The following HS1BP3 variants were observed in gnomAD, a reference collection of about 807,000 sequenced individuals.
HS1BP3 encodes the protein HCLS1 binding protein 3.
A neutral mutation model predicts 33.5 loss-of-function variants in HS1BP3; 32 were observed. The observed-to-expected ratio is 0.95, with a 90% CI of 0.72 to 1.28. The LOEUF (loss-of-function observed/expected upper bound fraction) is 1.28. Ranked by LOEUF, HS1BP3 falls within the 50% of genes most tolerant of loss-of-function variation. The pLI is 0.00. For missense variants in HS1BP3, 486 were observed against 502.3 expected (o/e 0.97, Z 0.31); for synonymous variants, 187 against 209.2 (o/e 0.89, Z 0.92).
At chr2:20,559,684 A>C (rs1008538393), downstream of HS1BP3, among the ~76,000 whole-genome samples, 3 of 141,582 alleles carry the variant, frequency 2.1e-5, no homozygotes, top group Non-Finnish European at 3.1e-5. Flanking sequence ...GGATGAATGG[A>C]TGGGTAGATG....
intron 4 of HS1BP3, among the ~76,000 whole-genome samples, chr2:20,628,235 A>G (rs1694851450): frequency 6.6e-6 from 1 of 152,210 alleles, no homozygotes; most frequent in African/African-American, 2.4e-5. Flanking sequence ...ACGAGGGAAC[A>G]AAGATGAGGA....
chr2:20,578,273 G>A (rs1693449619), intron 5 of HS1BP3, among the ~76,000 whole-genome samples: 1 of 152,218 alleles, frequency 6.6e-6, no homozygotes, highest in Admixed American at 6.5e-5. Context: ...TGCCCTCAGA[G>A]GCGGGATGGG....
intron 4 of HS1BP3, among the ~76,000 whole-genome samples, chr2:20,632,746 C>T (rs1489923035): frequency 6.6e-6 from 1 of 152,230 alleles, no homozygotes; most frequent in Non-Finnish European, 1.5e-5. Flanking sequence ...ACTAAGGATT[C>T]AGGTAAGCAG....
At chr2:20,598,678 C>G (rs1335796590) in intron 2 of HS1BP3, among the ~76,000 whole-genome samples, 5 of 147,948 alleles carry the variant, frequency 3.4e-5, no homozygotes, top group Non-Finnish European at 6.0e-5. Context: ...CCTGCCTCAG[C>G]CTCCCGAGTA....
intron 4 of HS1BP3, chr2:20,638,059 C>CGCA (rs968059031): frequency 9.8e-6 from 4 of 407,648 alleles, no homozygotes; most frequent in Admixed American, 8.2e-5. Context: ...CCCAGAGAGC[C>CGCA]GCAGCCACCT....
At chr2:20,594,072 G>T (rs912814980) in intron 3 of HS1BP3, among the ~76,000 whole-genome samples, 1 of 152,192 alleles carries the variant, frequency 6.6e-6, no homozygotes, top group Non-Finnish European at 1.5e-5. Flanking sequence ...TTTAAATCTG[G>T]GCATCGACCC....
chr2:20,590,853 C>T (rs1693796277), downstream of HS1BP3: 3 of 167,432 alleles, frequency 1.8e-5, no homozygotes, highest in South Asian at 6.2e-4. Flanking sequence ...AGAGATGGAC[C>T]TCCTGGACCA....
At chr2:20,601,574 G>C (rs1228053140) in intron 2 of HS1BP3, among the ~76,000 whole-genome samples, 1 of 152,056 alleles carries the variant, frequency 6.6e-6, no homozygotes, top group Non-Finnish European at 1.5e-5. Context: ...TCTCGTGGTT[G>C]TAAGTTTCAC....
intron 4 of HS1BP3, among the ~76,000 whole-genome samples, chr2:20,632,178 G>T (rs1289329006): frequency 6.6e-6 from 1 of 152,182 alleles, no homozygotes; most frequent in African/African-American, 2.4e-5. Flanking sequence ...CCTTTCATCT[G>T]CTTCAAAGTG....
chr2:20,649,283 C>A (rs1282571611), intron 1 of HS1BP3, among the ~76,000 whole-genome samples: 1 of 152,242 alleles, frequency 6.6e-6, no homozygotes, highest in Non-Finnish European at 1.5e-5. Context: ...CCTCGGGACC[C>A]TGGCTCCTGC....
intron 5 of HS1BP3, among the ~76,000 whole-genome samples, chr2:20,577,004 C>CCTGGGAATGG (rs1558319986): frequency 3.3e-5 from 5 of 152,112 alleles, no homozygotes; most frequent in African/African-American, 1.2e-4. Context: ...CCTGGGAATG[C>CCTGGGAATGG]CCTGGGAATT....
intron 2 of HS1BP3, among the ~76,000 whole-genome samples, chr2:20,643,472 G>A (rs1695422762): frequency 6.6e-6 from 1 of 152,218 alleles, no homozygotes. Context: ...GAGCTGCAAA[G>A]CACCCTGTAA....
chr2:20,624,608 T>A, intron 5 of HS1BP3, 124 bp downstream of exon 5: 1 of 896,618 alleles, frequency 1.1e-6, no homozygotes, highest in South Asian at 1.9e-5. Context: ...TGAGTCTATA[T>A]CACATCTAAA....
intron 2 of HS1BP3, among the ~76,000 whole-genome samples, chr2:20,603,585 G>T (rs934525185): frequency 6.6e-6 from 1 of 152,240 alleles, no homozygotes; most frequent in African/African-American, 2.4e-5. Context: ...ACGTTGAGGG[G>T]ATAGAGAGAT....
At chr2:20,649,953 G>A (rs1459441916) in intron 1 of HS1BP3, among the ~76,000 whole-genome samples, 5 of 152,208 alleles carry the variant, frequency 3.3e-5, no homozygotes, top group Non-Finnish European at 7.3e-5. Context: ...ATATACTACT[G>A]ACGTTGCTCA....
intron 4 of HS1BP3, 46 bp downstream of exon 4, chr2:20,638,390 A>G (rs1411204305): frequency 6.4e-7 from 1 of 1,550,410 alleles, no homozygotes. Flanking sequence ...ATCTCCAGAA[A>G]GCCTGGAATA....
downstream of HS1BP3, among the ~76,000 whole-genome samples, chr2:20,559,368 G>T (rs1692918422): frequency 2.0e-5 from 3 of 152,242 alleles, no homozygotes; most frequent in Non-Finnish European, 4.4e-5. Flanking sequence ...GGGTAGGATT[G>T]GGTCCTTTCT....
At chr2:20,559,708 G>GTGGA (rs143038030), downstream of HS1BP3, among the ~76,000 whole-genome samples, 5,575 of 143,448 alleles carry the variant, frequency 0.039, 212 homozygotes, top group African/African-American at 0.096. Context: ...GGGTGGGTGG[G>GTGGA]TGGATGGATG....
Position 20,624,008 on chromosome 2 carries a change from C to G in HS1BP3, c.808G>C (p.Asp270His). 1 of 1,612,392 alleles carries G rather than the reference C, an allele frequency of 6.2e-7. No individual in the cohort carries two copies. Residue 270 changes from aspartate (D) to histidine (H), a missense_variant, in exon 6 of 7, where the codon GAC becomes CAC. Coordinates refer to ENST00000304031, the MANE Select transcript of HS1BP3 (RefSeq NM_022460.4). ...VDPLKLFDDP[D>H]LGGAIPLGDS... ...CCCAGGGGGATGGCCCCGCCGAGGTCAGGATCATCAAATAGCTTCAGGGCT... is the reference window on the plus strand; with the variant it reads ...CCCAGGGGGATGGCCCCGCCGAGGTGAGGATCATCAAATAGCTTCAGGGCT...
Sources: gnomAD v4.1 joint callset for allele counts (sites outside exome capture counted in the v4.1 genomes callset) on GRCh38, gnomAD v4.1.1 for gene constraint, MANE v1.5 for transcripts, NCBI Gene and HGNC (gene_info 2026-07-23, HGNC 2026-07-21) for gene names.